Variants in GABBR2 observed in about 807,000 individuals in gnomAD.
GABBR2 encodes the protein gamma-aminobutyric acid type B receptor subunit 2.
Under a neutral mutation model 105.6 loss-of-function variants are expected in GABBR2, and 23 were observed. The observed-to-expected ratio is 0.22, with a 90% CI of 0.16 to 0.31. GABBR2 has a LOEUF of 0.31. Ranked by LOEUF, GABBR2 falls within the 10% of genes least tolerant of loss-of-function variation. GABBR2 has a pLI of 1.00. For missense variants in GABBR2, 734 were observed against 1,245.5 expected, an observed-to-expected ratio of 0.59 and a Z score of 6.18; for synonymous variants, 478 against 499.7, an observed-to-expected ratio of 0.96 and a Z score of 0.58.
chr9:98,681,419 C>T (rs2131869646), intron 1 of GABBR2, among the ~76,000 whole-genome samples: 1 of 103,232 alleles, frequency 9.7e-6, no homozygotes, highest in East Asian at 2.7e-4. Context: ...AGGGGAATAT[C>T]ACACTCTGGG....
chr9:98,304,806 T>C (rs1232654638), intron 15 of GABBR2, among the ~76,000 whole-genome samples: 1 of 111,330 alleles, frequency 9.0e-6, no homozygotes, highest in East Asian at 3.8e-4. Context: ...GGTCTCACTC[T>C]GTCACCAAGG....
At position 98,291,503 on chromosome 9, in the gene GABBR2, C is replaced by T. The variant is rs555350132; in HGVS notation, c.2661-754G>A. ...CGTCTGCCTCTGCTTTGCCCAGGAC[C>T]GCATCTCTTCTTGCTGGGCCAATTC... is the stretch of plus-strand genomic sequence containing the variant. On this transcript the variant is annotated intron_variant, in intron 18 of 18. Transcript: ENST00000259455. 2.6e-5 allele frequency among the ~76,000 whole-genome samples: 4 copies of T among 152,320 alleles called. No homozygotes were observed. In the East Asian group the frequency reaches 5.8e-4, roughly 22 times the overall value.
chr9:98,379,174 G>A (rs572370069), intron 11 of GABBR2, among the ~76,000 whole-genome samples: 13 of 152,308 alleles, frequency 8.5e-5, no homozygotes, highest in Non-Finnish European at 1.0e-4. Flanking sequence ...GTCTGTTCCC[G>A]CCCCAGTTTT....
intron 17 of GABBR2, among the ~76,000 whole-genome samples, chr9:98,298,041 TA>T (rs34384818): frequency 1.5e-3 from 199 of 133,490 alleles, no homozygotes; most frequent in Admixed American, 1.9e-3. Context: ...GACTCCATCT[TA>T]AAAAAAAAAA....
At chr9:98,302,251 A>G (rs1299169639) in intron 16 of GABBR2, among the ~76,000 whole-genome samples, 1 of 152,218 alleles carries the variant, frequency 6.6e-6, no homozygotes, top group Non-Finnish European at 1.5e-5. Flanking sequence ...CAAAATATGC[A>G]CAATTTTTGG....
intron 1 of GABBR2, among the ~76,000 whole-genome samples, chr9:98,581,426 A>G (rs1829001793): frequency 6.7e-6 from 1 of 148,908 alleles, no homozygotes. Flanking sequence ...TTTTAATTTA[A>G]TTTAAAAACT....
chr9:98,695,876 G>A (rs1830744751), intron 1 of GABBR2, among the ~76,000 whole-genome samples: 3 of 152,140 alleles, frequency 2.0e-5, no homozygotes, highest in Admixed American at 1.3e-4. Context: ...AAACAAACTA[G>A]CATGCCATTT....
intron 7 of GABBR2, among the ~76,000 whole-genome samples, chr9:98,423,814 T>G (rs1701262183): frequency 6.6e-6 from 1 of 152,224 alleles, no homozygotes; most frequent in Non-Finnish European, 1.5e-5. Flanking sequence ...AGTTTCAGCT[T>G]TCTACATATG....
At chr9:98,589,675 A>C (rs1002389834) in intron 1 of GABBR2, among the ~76,000 whole-genome samples, 1 of 152,028 alleles carries the variant, frequency 6.6e-6, no homozygotes, top group Admixed American at 6.5e-5. Context: ...TCAGGGATAC[A>C]GCCAGATATA....
intron 4 of GABBR2, among the ~76,000 whole-genome samples, chr9:98,487,981 T>C (rs1376973578): frequency 6.6e-6 from 1 of 152,134 alleles, no homozygotes; most frequent in East Asian, 1.9e-4. Context: ...ATTCACAAGG[T>C]CCTTAAACAT....
At chr9:98,372,749 C>T (rs1564036316) in intron 11 of GABBR2, among the ~76,000 whole-genome samples, 1 of 152,212 alleles carries the variant, frequency 6.6e-6, no homozygotes, top group Non-Finnish European at 1.5e-5. Context: ...TCCTGCCTTT[C>T]CGGCAACTTG....
chr9:98,688,411 A>ATATAT (rs397737112), intron 1 of GABBR2, among the ~76,000 whole-genome samples: 3 of 148,310 alleles, frequency 2.0e-5, no homozygotes, highest in African/African-American at 4.9e-5. Context: ...ATATATATAT[A>ATATAT]AAATCTCCAG....
intron 2 of GABBR2, among the ~76,000 whole-genome samples, chr9:98,568,086 G>A (rs373090641): frequency 4.9e-4 from 74 of 152,276 alleles, no homozygotes; most frequent in African/African-American, 1.6e-3. Flanking sequence ...CAGGATCCAC[G>A]CAAGCCAGGC....
rs144146196 is a variant in GABBR2, at chr9:98,611,328, C to T, written c.322-33256G>A. Among the ~76,000 whole-genome samples the T allele has an allele frequency of 2.7e-3, 374 of 140,982 alleles. 1 individual carries two copies. Among genetic ancestry groups the T allele is most frequent in the African/African-American group, 9.3e-3 (357 of 38,468 alleles). The allele number at this position is 140,982 out of a possible 152,430, so 92.5% of individuals were successfully genotyped here. A position where few individuals can be genotyped will look rare whatever the true frequency, so the allele number is the denominator to read the frequency against. ...CTCACAGTCCCTTGTAGCTGCATGT[C>T]TCCTTCAGCATGGAGCCACCACACT... On this transcript the variant is annotated intron_variant, in intron 1 of 18. Transcript: ENST00000259455.
intron 16 of GABBR2, among the ~76,000 whole-genome samples, chr9:98,299,848 A>G (rs911007008): frequency 6.6e-6 from 1 of 152,132 alleles, no homozygotes; most frequent in Non-Finnish European, 1.5e-5. Context: ...AAACATAATA[A>G]GGGCAACTTG....
At chr9:98,708,270 T>A (rs1295416060) in intron 1 of GABBR2, 147 bp downstream of exon 1, 20 of 728,988 alleles carry the variant, frequency 2.7e-5, no homozygotes, top group Middle Eastern at 4.6e-4. Flanking sequence ...ACCGCGGGGG[T>A]GAACACTGGG....
At chr9:98,365,722 A>G (rs1358013403) in intron 12 of GABBR2, among the ~76,000 whole-genome samples, 2 of 152,246 alleles carry the variant, frequency 1.3e-5, no homozygotes, top group South Asian at 2.1e-4. Flanking sequence ...GGGGAAGACT[A>G]GTAGTGAAAA....
intron 3 of GABBR2, among the ~76,000 whole-genome samples, chr9:98,541,656 G>A (rs759868928): frequency 5.3e-5 from 8 of 152,204 alleles, no homozygotes; most frequent in Non-Finnish European, 7.4e-5. Context: ...GAAAGGGAAG[G>A]TTCACTCCTG....
At chr9:98,309,913 A>C (rs935053313) in intron 14 of GABBR2, among the ~76,000 whole-genome samples, 2 of 152,222 alleles carry the variant, frequency 1.3e-5, no homozygotes, top group Non-Finnish European at 2.9e-5. Flanking sequence ...AGGACACAGG[A>C]TCAATCACTA....
Sources: gnomAD v4.1 joint callset for allele counts (sites outside exome capture counted in the v4.1 genomes callset) on GRCh38, gnomAD v4.1.1 for gene constraint, MANE v1.5 for transcripts, NCBI Gene and HGNC (gene_info 2026-07-23, HGNC 2026-07-21) for gene names.